The following METTL9 variants were observed in gnomAD, a reference collection of about 807,000 sequenced individuals.
METTL9 encodes methyltransferase 9, His-X-His N1(pi)-histidine, also known as protein-L-histidine N-pros-methyltransferase.
Under a neutral mutation model 36.0 loss-of-function variants are expected in METTL9, and 10 were observed. That is an observed-to-expected ratio of 0.28 (90% CI 0.17 to 0.47). The LOEUF is 0.47. METTL9 is among the 20% of genes least tolerant of loss of function. The pLI is 0.99. For missense variants in METTL9, 246 were observed against 383.5 expected, an observed-to-expected ratio of 0.64 and a Z score of 3.00; for synonymous variants, 175 against 149.7, an observed-to-expected ratio of 1.17 and a Z score of -1.23.
At chr16:21,633,739 CA>C (rs1206925634) in intron 4 of METTL9, among the ~76,000 whole-genome samples, 4 of 152,320 alleles carry the variant, frequency 2.6e-5, no homozygotes, top group African/African-American at 9.6e-5. Context: ...TGAGGTGTTT[CA>C]GGGACTGCTG....
intron 2 of METTL9, among the ~76,000 whole-genome samples, chr16:21,617,137 T>C (rs1228303163): frequency 6.6e-6 from 1 of 152,158 alleles, no homozygotes; most frequent in African/African-American, 2.4e-5. Flanking sequence ...GATAATATCT[T>C]TGCTGGGCAC....
Position 21,599,992 on chromosome 16 carries a change from CG to C in METTL9, c.165+96del. 1 of 1,069,094 alleles carries C rather than the reference CG, an allele frequency of 9.4e-7. No individual in the cohort carries two copies. Among genetic ancestry groups the C allele is most frequent in the Non-Finnish European group, 1.2e-6 (1 of 853,210 alleles). The allele number at this position is 1,069,094 out of a possible 1,614,324, so 66.2% of individuals were successfully genotyped here. A position where few individuals can be genotyped will look rare whatever the true frequency, so the allele number is the denominator to read the frequency against. On this transcript the variant is annotated intron_variant, in intron 1 of 4. Coordinates refer to ENST00000358154, the MANE Select transcript of METTL9 (RefSeq NM_016025.5). The surrounding 1 kb of genome is among the most constrained non-coding windows in gnomAD (Gnocchi z 4.4). ...TGTGCGGGACGGCTCCGCGAGGGGG[CG>C]GCCCGGCCCTCGCCCCTCCGCCTCG...
chr16:21,630,943 T>C (rs570184170), intron 4 of METTL9, among the ~76,000 whole-genome samples: 1 of 152,236 alleles, frequency 6.6e-6, no homozygotes, highest in African/African-American at 2.4e-5. Context: ...TCTCGTACTA[T>C]CCCTGCCTGG....
chr16:21,647,432 G>A (rs1966460093), intron 4 of METTL9: 3 of 1,614,084 alleles, frequency 1.9e-6, no homozygotes, highest in Non-Finnish European at 2.5e-6. Context: ...GGCCTCATGA[G>A]TGTAGTCCAC....
chr16:21,622,478 G>A (rs1200153151), intron 3 of METTL9, among the ~76,000 whole-genome samples: 1 of 151,988 alleles, frequency 6.6e-6, no homozygotes, highest in Non-Finnish European at 1.5e-5. Context: ...CATCCTTCTG[G>A]AAGTATTAAC....
chr16:21,656,811 A>G lies in METTL9; in HGVS notation c.*1379A>G, dbSNP rs552329355. On this transcript the variant is annotated 3_prime_UTR_variant, in exon 5 of 5. Transcript: ENST00000358154. ...TACTTTATTATTCATTAAGAACTGC[A>G]TTCCCACATCCTCACACCAATATCT... The G allele has an allele frequency of 1.3e-5, 2 of 152,316 alleles. No homozygotes were observed. Among genetic ancestry groups the G allele is most frequent in the African/African-American group, 4.8e-5 (2 of 41,572 alleles). The allele number at this position is 152,316 out of a possible 1,614,324, so 9.4% of individuals were successfully genotyped here. A position where few individuals can be genotyped will look rare whatever the true frequency, so the allele number is the denominator to read the frequency against.
chr16:21,615,658 C>T lies in METTL9; in HGVS notation c.357-2207C>T, dbSNP rs145168805. On this transcript the variant is annotated intron_variant, in intron 2 of 4. Transcript: ENST00000358154. ...TCCCAAGGAGATGGCTTGGGAAGCA[C>T]GCTCTGGGAAAATTTAAGCAAAATA... 5.3e-5 allele frequency among the ~76,000 whole-genome samples: 8 copies of T among 152,236 alleles called. No individual in the cohort carries two copies. In the East Asian group the frequency reaches 5.8e-4, roughly 11 times the overall value.
intron 4 of METTL9, among the ~76,000 whole-genome samples, chr16:21,635,053 C>T (rs1327699781): frequency 3.9e-5 from 6 of 152,130 alleles, no homozygotes; most frequent in African/African-American, 7.2e-5. Flanking sequence ...TCCAAACTCT[C>T]GGGCTGCAGC....
chr16:21,645,384 T>C (rs1018518965), intron 4 of METTL9, among the ~76,000 whole-genome samples: 7 of 151,872 alleles, frequency 4.6e-5, no homozygotes, highest in Non-Finnish European at 8.8e-5. Flanking sequence ...ACCCGGAAGG[T>C]GGAGGTTGGT....
rs1000652488 is a variant in METTL9 at position 21,619,638 on chromosome 16, A to G, written c.566+1564A>G. On this transcript the variant is annotated intron_variant, in intron 3 of 4. Coordinates refer to ENST00000358154, the MANE Select transcript of METTL9 (RefSeq NM_016025.5). ...TTTTTAGTAGAGACAGGGTTTCACT[A>G]TGTTGGCCAGGCTGGTCTCAAACTG... 1.4e-3 allele frequency among the ~76,000 whole-genome samples: 179 copies of G among 125,978 alleles called. 1 individual carries two copies. The highest frequency in any genetic ancestry group is 7.4e-3 in the Admixed American group (75 of 10,190). The allele number at this position is 125,978 out of a possible 152,430, so 82.6% of individuals were successfully genotyped here. A position where few individuals can be genotyped will look rare whatever the true frequency, so the allele number is the denominator to read the frequency against.
chr16:21,613,536 C>T (rs576348482), intron 2 of METTL9, among the ~76,000 whole-genome samples: 1 of 152,226 alleles, frequency 6.6e-6, no homozygotes, highest in South Asian at 2.1e-4. Flanking sequence ...GCTGCTGGTT[C>T]TGGACCACAA....
chr16:21,598,209 C>T (rs1292949568), upstream of METTL9, among the ~76,000 whole-genome samples: 1 of 152,028 alleles, frequency 6.6e-6, no homozygotes, highest in Non-Finnish European at 1.5e-5. Flanking sequence ...ATTAGCTGGG[C>T]ATGGTGGCGC....
chr16:21,616,305 C>G (rs1965553776), intron 2 of METTL9, among the ~76,000 whole-genome samples: 1 of 152,188 alleles, frequency 6.6e-6, no homozygotes, highest in South Asian at 2.1e-4. Context: ...TAGAAGTGGG[C>G]TGGCCACAGC....
At chr16:21,634,974 G>A (rs1966050507) in intron 4 of METTL9, among the ~76,000 whole-genome samples, 1 of 152,178 alleles carries the variant, frequency 6.6e-6, no homozygotes, top group Admixed American at 6.5e-5. Context: ...ACTGGGGACG[G>A]CTGGCTGACC....
chr16:21,636,837 G>GA (rs1966108339), intron 4 of METTL9, among the ~76,000 whole-genome samples: 1 of 152,084 alleles, frequency 6.6e-6, no homozygotes, highest in Non-Finnish European at 1.5e-5. Context: ...GAACTCTAAG[G>GA]AAAAATAGGA....
chr16:21,627,949 T>C (rs1290278612), intron 4 of METTL9, among the ~76,000 whole-genome samples: 5 of 152,150 alleles, frequency 3.3e-5, no homozygotes, highest in African/African-American at 1.2e-4. Context: ...CCAGACTCCA[T>C]CTCAAAAAAC....
chr16:21,599,996 C>G lies in METTL9; in HGVS notation c.165+98C>G. The G allele has an allele frequency of 1.9e-6, 2 of 1,032,986 alleles. No homozygotes were observed. The highest frequency in any genetic ancestry group is 2.4e-6 in the Non-Finnish European group (2 of 821,312). 64.0% of individuals were successfully genotyped at this position (1,032,986 alleles called of 1,614,324 possible). ...CGGGACGGCTCCGCGAGGGGGCGGC[C>G]CGGCCCTCGCCCCTCCGCCTCGGCC... On this transcript the variant is annotated intron_variant, in intron 1 of 4. Transcript: ENST00000358154. This position sits in a 1 kb window ranked among gnomAD's most constrained non-coding sequence, Gnocchi z 4.4.
At chr16:21,631,790 A>G (rs991345452) in intron 4 of METTL9, among the ~76,000 whole-genome samples, 61 of 152,344 alleles carry the variant, frequency 4.0e-4, no homozygotes, top group African/African-American at 1.4e-3. Context: ...ACAAGGTGGT[A>G]TTGGAGTGTT....
upstream of METTL9, chr16:21,597,229 C>G: frequency 7.8e-7 from 1 of 1,284,610 alleles, no homozygotes; most frequent in Middle Eastern, 2.1e-4. Flanking sequence ...AGGAGGCTCT[C>G]TGAGAAGAGA....
Sources: allele counts gnomAD v4.1 joint callset (sites outside exome capture counted in the v4.1 genomes callset), GRCh38; gene constraint gnomAD v4.1.1; non-coding constraint Gnocchi (gnomAD v3.1); transcripts MANE v1.5; gene names NCBI Gene and HGNC (gene_info 2026-07-23, HGNC 2026-07-21).